ITK: variants seen among roughly 807,000 people sequenced by gnomAD.
ITK encodes the protein tyrosine-protein kinase ITK/TSK.
In ITK, 45 loss-of-function variants were observed where a neutral mutation model predicts 87.6. The ratio of observed to expected loss-of-function variants is 0.51; its 90% CI spans 0.40 to 0.66. The LOEUF (loss-of-function observed/expected upper bound fraction) is 0.66. ITK is among the 30% of genes least tolerant of loss of function. The pLI, the probability that ITK is intolerant of heterozygous loss-of-function variation, is 0.00. For missense variants in ITK, 605 were observed against 766.3 expected, an observed-to-expected ratio of 0.79 and a Z score of 2.48; for synonymous variants, 303 against 273.6, an observed-to-expected ratio of 1.11 and a Z score of -1.06.
chr5:157,193,569 G>T (rs1310086701), intron 1 of ITK, among the ~76,000 whole-genome samples: 4 of 152,162 alleles, frequency 2.6e-5, no homozygotes, highest in Non-Finnish European at 1.5e-5. Flanking sequence ...TTATCCTATT[G>T]TTATCCCCAT....
intron 16 of ITK, 85 bp downstream of exon 16, chr5:157,249,092 A>G: frequency 8.5e-7 from 1 of 1,182,116 alleles, no homozygotes. Context: ...ACCCTCTCAG[A>G]AGGATGAGGC....
intron 2 of ITK, among the ~76,000 whole-genome samples, chr5:157,210,281 C>T (rs947790859): frequency 2.6e-5 from 4 of 152,092 alleles, no homozygotes; most frequent in African/African-American, 9.7e-5. Flanking sequence ...TCTCCTTGCA[C>T]ATCCCAGGGT....
At chr5:157,191,186 C>T (rs983928320) in intron 1 of ITK, among the ~76,000 whole-genome samples, 6 of 152,070 alleles carry the variant, frequency 3.9e-5, no homozygotes, top group African/African-American at 1.4e-4. Flanking sequence ...GTCACCCAGG[C>T]TGGAGTGCAG....
intron 1 of ITK, among the ~76,000 whole-genome samples, chr5:157,207,186 C>T (rs1754096071): frequency 6.6e-6 from 1 of 152,010 alleles, no homozygotes; most frequent in Non-Finnish European, 1.5e-5. Flanking sequence ...TCTGTCCCAA[C>T]TCTCAGAGAC....
rs1164561019 is a variant in ITK at position 157,181,114 on chromosome 5, G to A, written c.137G>A (p.Gly46Glu). 6.2e-7 allele frequency: 1 copy of A among 1,614,000 alleles called. No homozygotes were observed. The highest frequency in any genetic ancestry group is 8.5e-7 in the Non-Finnish European group (1 of 1,179,878). Residue 46 changes from glycine (G) to glutamate (E), a missense_variant and splice_region_variant, in exon 1 of 17, where the codon GGG becomes GAG. By Grantham distance (98) the Gly-to-Glu change is moderately conservative. Around this residue, in one of 3 missense-constraint regions of ITK, gnomAD observed 464 missense variants for 578.0 expected, o/e 0.80. Coordinates refer to ENST00000422843, the MANE Select transcript of ITK (RefSeq NM_005546.4). ...ASLAYFEDRH[G>E]KKRTLKGSIE... Reference sequence around the variant, plus strand: ...CTGGCATACTTTGAAGATCGTCATGGGGTATGTGAGCAGTTTCATTTGTCT... The same window carrying A: ...CTGGCATACTTTGAAGATCGTCATGAGGTATGTGAGCAGTTTCATTTGTCT...
At chr5:157,220,407 C>T (rs953378151) in intron 5 of ITK, among the ~76,000 whole-genome samples, 2 of 152,184 alleles carry the variant, frequency 1.3e-5, no homozygotes, top group African/African-American at 2.4e-5. Context: ...CAACCCAGGG[C>T]TTGCTGAGGG....
At chr5:157,204,157 C>T (rs538717786) in intron 1 of ITK, among the ~76,000 whole-genome samples, 1 of 152,274 alleles carries the variant, frequency 6.6e-6, no homozygotes, top group African/African-American at 2.4e-5. Flanking sequence ...ACTACAGGTG[C>T]ACACCATGAG....
intron 6 of ITK, among the ~76,000 whole-genome samples, chr5:157,227,822 CTTTTTTTTTTT>C (rs34428784): frequency 3.5e-5 from 3 of 84,832 alleles, no homozygotes; most frequent in African/African-American, 1.1e-4. Flanking sequence ...TTACCAATTC[CTTTTTTTTTTT>C]TTTTTTTTTT....
chr5:157,209,003 T>C lies in ITK; in HGVS notation c.243+10T>C, dbSNP rs771771083. The C allele has an allele frequency of 1.3e-5, 21 of 1,560,572 alleles. No individual in the cohort carries two copies. The highest frequency in any genetic ancestry group is 1.7e-4 in the Middle Eastern group (1 of 5,976). ...TAAATACCCGTTTCAGGTAAGTCCA[T>C]CAGGTGGGTAGTTCCCCATTCCCTG... On this transcript the variant is annotated intron_variant, in intron 2 of 16. Transcript: ENST00000422843.
chr5:157,235,474 T>C (rs552316004), intron 8 of ITK, among the ~76,000 whole-genome samples: 1 of 152,348 alleles, frequency 6.6e-6, no homozygotes, highest in East Asian at 1.9e-4. Flanking sequence ...GTGGCTCTGT[T>C]CTCACTCTGC....
chr5:157,214,330 G>A lies in ITK; in HGVS notation c.454+11G>A, dbSNP rs1248992831. 17 of 1,611,226 alleles carry A rather than the reference G, an allele frequency of 1.1e-5. No homozygotes were observed. The East Asian group carries it at 3.8e-4, about 36-fold the overall frequency. On this transcript the variant is annotated intron_variant, in intron 4 of 16. Coordinates refer to ENST00000422843, the MANE Select transcript of ITK (RefSeq NM_005546.4). Reference sequence around the variant, plus strand: ...ATCCAACCAAGAATGGTAAGAGACTGGGAATTCCCTCTAGTTTTTGTGAAA... The same window carrying A: ...ATCCAACCAAGAATGGTAAGAGACTAGGAATTCCCTCTAGTTTTTGTGAAA...
intron 15 of ITK, 66 bp from the exon 16 acceptor site, chr5:157,248,784 C>A: frequency 6.4e-7 from 1 of 1,565,656 alleles, no homozygotes; most frequent in Non-Finnish European, 8.8e-7. Context: ...TTTCTAGAGG[C>A]AGGTTGGTTT....
intron 1 of ITK, among the ~76,000 whole-genome samples, chr5:157,185,082 G>T (rs12187924): frequency 0.12 from 18,179 of 152,006 alleles, 1,357 homozygotes; most frequent in East Asian, 0.22. Flanking sequence ...GATGGTAGGT[G>T]GGGAGATGGT....
chr5:157,252,851 T>C lies in ITK; in HGVS notation c.*173T>C, dbSNP rs1580914178. The stretch of plus-strand genomic sequence containing the variant: ...GCAGCATCCTGACCACAGCTGGCAG[T>C]CAAGCCACAGCTGGAGGGTCAGCCA... On this transcript the variant is annotated 3_prime_UTR_variant, in exon 17 of 17. Transcript: ENST00000422843. 7 of 661,940 alleles carry C rather than the reference T, an allele frequency of 1.1e-5. No individual in the cohort carries two copies. In the East Asian group the frequency reaches 1.9e-4, roughly 18 times the overall value. 41.0% of individuals were successfully genotyped at this position (661,940 alleles called of 1,614,324 possible).
At chr5:157,243,585 G>A in intron 11 of ITK, 38 bp from the exon 12 acceptor site, 1 of 1,583,234 alleles carries the variant, frequency 6.3e-7, no homozygotes, top group Non-Finnish European at 8.7e-7. Context: ...TATATCTACT[G>A]CTTGCTGACC....
intron 1 of ITK, among the ~76,000 whole-genome samples, chr5:157,192,228 AG>A (rs1231339837): frequency 2.0e-5 from 3 of 152,176 alleles, no homozygotes; most frequent in Non-Finnish European, 4.4e-5. Context: ...GTTGGATTTA[AG>A]GGGTGCCAAA....
intron 6 of ITK, 126 bp downstream of exon 6, chr5:157,223,140 G>A: frequency 4.2e-6 from 5 of 1,204,340 alleles, no homozygotes; most frequent in Admixed American, 3.4e-5. Context: ...GAGAGCAGAG[G>A]CAGAAGGAAG....
At chr5:157,207,121 A>G (rs190992412) in intron 1 of ITK, among the ~76,000 whole-genome samples, 106 of 152,280 alleles carry the variant, frequency 7.0e-4, no homozygotes, top group Middle Eastern at 3.4e-3. Flanking sequence ...CTGAAATGCT[A>G]TGATAGACAA....
chr5:157,216,717 C>T (rs1051113387), intron 4 of ITK, among the ~76,000 whole-genome samples: 4 of 152,156 alleles, frequency 2.6e-5, no homozygotes. Context: ...GTGGCCAAGG[C>T]TCACAGCTAG....
Sources: gnomAD v4.1 joint callset for allele counts (sites outside exome capture counted in the v4.1 genomes callset) on GRCh38, gnomAD v4.1.1 for gene constraint, gnomAD v4.1.1 regional missense constraint, MANE v1.5 for transcripts, NCBI Gene and HGNC (gene_info 2026-07-23, HGNC 2026-07-21) for gene names.